DNAH5: variants seen among roughly 807,000 people sequenced by gnomAD.
DNAH5 encodes axonemal beta dynein heavy chain 5.
DNAH5 carries 372 observed loss-of-function variants against 518.2 expected under a neutral mutation model. The ratio of observed to expected loss-of-function variants is 0.72; its 90% confidence interval spans 0.66 to 0.78. DNAH5 has a LOEUF of 0.78. Among genes scored for constraint, DNAH5 ranks in the 30% least tolerant of loss-of-function variants. The pLI is 0.00. For missense variants in DNAH5, 5,523 were observed against 5,687.0 expected, an observed-to-expected ratio of 0.97 and a Z score of 0.93; for synonymous variants, 2,039 against 2,025.9, an observed-to-expected ratio of 1.01 and a Z score of -0.17.
At chr5:13,839,889 G>A (rs1444615312) in intron 34 of DNAH5, among the ~76,000 whole-genome samples, 4 of 152,138 alleles carry the variant, frequency 2.6e-5, no homozygotes, top group Non-Finnish European at 4.4e-5. Flanking sequence ...GACACACAAA[G>A]ACAGCAATAA....
intron 55 of DNAH5, among the ~76,000 whole-genome samples, chr5:13,775,996 T>C (rs1053632962): frequency 4.1e-5 from 6 of 146,684 alleles, no homozygotes; most frequent in Non-Finnish European, 7.5e-5. Context: ...AAAAGCTAAA[T>C]GTACGCTCTC....
chr5:13,948,257 T>C (rs1780087650), upstream of DNAH5, among the ~76,000 whole-genome samples: 1 of 152,240 alleles, frequency 6.6e-6, no homozygotes. Flanking sequence ...GAAGAAGTTT[T>C]AGAAGTTTCT....
Position 13,792,222 on chromosome 5 carries a change from A to G in DNAH5, c.8225-5T>C, listed in dbSNP as rs1314946190. 1 of 1,609,868 alleles carries G rather than the reference A, an allele frequency of 6.2e-7. No individual in the cohort carries two copies. The highest frequency in any genetic ancestry group is 1.1e-5 in the South Asian group (1 of 90,996). Reference sequence around the variant, plus strand: ...AGTGGCCTACCCCAATCACACCTGAAAAGGGGGAAATTACAGCATTTTGAT... The same window carrying G: ...AGTGGCCTACCCCAATCACACCTGAGAAGGGGGAAATTACAGCATTTTGAT... On this transcript the variant is annotated splice_region_variant and splice_polypyrimidine_tract_variant and intron_variant, in intron 49 of 78. Transcript: ENST00000265104.
chr5:13,905,449 A>C (rs1408033402), intron 12 of DNAH5, among the ~76,000 whole-genome samples: 4 of 152,162 alleles, frequency 2.6e-5, no homozygotes. Flanking sequence ...TCAACCTTGG[A>C]CTTCTCAGTC....
chr5:13,989,851 T>G (rs1783390226), intron 1 of DNAH5, among the ~76,000 whole-genome samples: 1 of 152,202 alleles, frequency 6.6e-6, no homozygotes, highest in Admixed American at 6.5e-5. Context: ...TTTTTAATGT[T>G]CTTTTTCCTT....
rs2151905538 is a variant in DNAH5 at position 13,862,541 on chromosome 5, T to C, written c.4796+7A>G. 1.2e-6 allele frequency: 2 copies of C among 1,613,646 alleles called. No individual in the cohort carries two copies. The highest frequency in any genetic ancestry group is 1.7e-6 in the Non-Finnish European group (2 of 1,179,616). Reference sequence around the variant, plus strand: ...AATCTAAGGGAAAAGATAGATGGTTTTCCCACCTGTTGCTCAGTAGGGATC... The same window carrying C: ...AATCTAAGGGAAAAGATAGATGGTTCTCCCACCTGTTGCTCAGTAGGGATC... On this transcript the variant is annotated splice_region_variant and intron_variant, in intron 29 of 78. Transcript: ENST00000265104.
intron 1 of DNAH5, among the ~76,000 whole-genome samples, chr5:13,934,267 A>C (rs1778708121): frequency 6.6e-6 from 1 of 152,146 alleles, no homozygotes; most frequent in Admixed American, 6.5e-5. Flanking sequence ...CATTTGAGTA[A>C]GCTGTCTTGG....
In DNAH5 at chr5:13,769,067, C is replaced by A; in HGVS notation, c.9790G>T (p.Asp3264Tyr). The change falls in exon 58 of 79, where the codon GAC becomes TAC. Residue 3264 changes from aspartate to tyrosine, a missense_variant. By Grantham distance (160) the Asp-to-Tyr change is radical (BLOSUM62 -3). Coordinates refer to ENST00000265104, the MANE Select transcript of DNAH5 (RefSeq NM_001369.3). ...CTGTCCACAATGGCCTGGGCCCTGT[C>A]CTTCACCTTCTGTACCTCAGCCTTG... ...KVKAEVQKVK[D>Y]RAQAIVDSIS... 1 of 1,614,226 alleles carries A rather than the reference C, an allele frequency of 6.2e-7. No individual in the cohort carries two copies. The highest frequency in any genetic ancestry group is 1.1e-5 in the South Asian group (1 of 91,088).
At chr5:13,978,062 G>A (rs1486063066) in intron 1 of DNAH5, among the ~76,000 whole-genome samples, 1 of 152,204 alleles carries the variant, frequency 6.6e-6, no homozygotes, top group African/African-American at 2.4e-5. Flanking sequence ...GAGGCCCAAG[G>A]GGCCAAGCAT....
chr5:13,952,544 C>T (rs1000686792), intron 1 of DNAH5, among the ~76,000 whole-genome samples: 1 of 152,192 alleles, frequency 6.6e-6, no homozygotes, highest in African/African-American at 2.4e-5. Flanking sequence ...ACCAATATCA[C>T]CGCAAATTCA....
intron 1 of DNAH5, among the ~76,000 whole-genome samples, chr5:14,010,322 A>C (rs1785025911): frequency 6.6e-6 from 1 of 152,212 alleles, no homozygotes; most frequent in African/African-American, 2.4e-5. Flanking sequence ...GAACAGACCA[A>C]GAGAAAATTA....
chr5:13,715,565 A>T (rs1347499931), intron 74 of DNAH5, among the ~76,000 whole-genome samples: 1 of 152,236 alleles, frequency 6.6e-6, no homozygotes, highest in African/African-American at 2.4e-5. Flanking sequence ...TCAAAGCAAC[A>T]TGTAAATATA....
intron 41 of DNAH5, 39 bp from the exon 42 acceptor site, chr5:13,817,733 G>GTTCACTTCCCATCTGA: frequency 6.2e-7 from 1 of 1,605,260 alleles, no homozygotes; most frequent in Non-Finnish European, 8.5e-7. Context: ...ATCTCAGATG[G>GTTCACTTCCCATCTGA]GAAGTGAACC....
intron 12 of DNAH5, among the ~76,000 whole-genome samples, chr5:13,908,897 T>C (rs1266418013): frequency 6.6e-6 from 1 of 152,156 alleles, no homozygotes; most frequent in African/African-American, 2.4e-5. Flanking sequence ...CTTACTCCAT[T>C]CAGAGTCGTG....
At chr5:13,722,748 T>C (rs1324646836) in intron 70 of DNAH5, among the ~76,000 whole-genome samples, 2 of 152,232 alleles carry the variant, frequency 1.3e-5, no homozygotes, top group Admixed American at 1.3e-4. Context: ...AGCTGGACCA[T>C]TTTACTGTGG....
Position 13,691,198 on chromosome 5 carries a change from T to G in DNAH5, c.*786A>C, listed in dbSNP as rs1014693228. The G allele has an allele frequency of 5.3e-5, 8 of 152,316 alleles. No homozygotes were observed. The highest frequency in any genetic ancestry group is 2.1e-4 in the South Asian group (1 of 4,828). 9.4% of individuals were successfully genotyped at this position (152,316 alleles called of 1,614,324 possible). ...TCAGTCTTTTAAATTGTTTCCTTGA[T>G]GTAGAGAAAACAAAGATCCAAGGGT... On this transcript the variant is annotated 3_prime_UTR_variant, in exon 79 of 79. Coordinates refer to ENST00000265104, the MANE Select transcript of DNAH5 (RefSeq NM_001369.3).
At chr5:13,859,197 TA>T in intron 30 of DNAH5, among the ~76,000 whole-genome samples, 1 of 152,270 alleles carries the variant, frequency 6.6e-6, no homozygotes, top group East Asian at 1.9e-4. Flanking sequence ...TGCGACCACT[TA>T]TTTTTTGTTT....
intron 4 of DNAH5, among the ~76,000 whole-genome samples, chr5:13,922,727 C>CAAA (rs35310788): frequency 2.1e-5 from 2 of 94,432 alleles, no homozygotes; most frequent in South Asian, 3.6e-4. Flanking sequence ...GACCCTGTCT[C>CAAA]AAAAAAAAAA....
intron 58 of DNAH5, among the ~76,000 whole-genome samples, chr5:13,767,516 C>T (rs1752670889): frequency 6.6e-6 from 1 of 152,098 alleles, no homozygotes. Flanking sequence ...GGCAAACAGA[C>T]CTTTATTTGA....
Sources: gnomAD v4.1 joint callset for allele counts (sites outside exome capture counted in the v4.1 genomes callset) on GRCh38, gnomAD v4.1.1 for gene constraint, MANE v1.5 for transcripts, NCBI Gene and HGNC (gene_info 2026-07-23, HGNC 2026-07-21) for gene names.